The following EFEMP1 variants were observed in gnomAD, a reference collection of about 807,000 sequenced individuals.
EFEMP1 encodes the protein EGF-like fibulin extracellular matrix protein 1.
EFEMP1 carries 18 observed loss-of-function variants against 65.7 expected under a neutral mutation model. The observed-to-expected ratio is 0.27, with a 90% CI of 0.19 to 0.41. EFEMP1 has a LOEUF of 0.41. Ranked by LOEUF, EFEMP1 falls within the 10% of genes least tolerant of loss-of-function variation. EFEMP1 has a pLI of 1.00. For synonymous variants in EFEMP1, 237 were observed against 219.7 expected (o/e 1.08, Z -0.70); for missense variants, 469 against 624.8 (o/e 0.75, Z 2.66).
chr2:55,874,601 G>C (rs1480451106), intron 9 of EFEMP1, among the ~76,000 whole-genome samples: 1 of 152,038 alleles, frequency 6.6e-6, no homozygotes, highest in Non-Finnish European at 1.5e-5. Context: ...CACATATTGA[G>C]CTTATGCTCT....
chr2:55,893,463 A>G (rs1669707436), intron 5 of EFEMP1, among the ~76,000 whole-genome samples: 1 of 152,168 alleles, frequency 6.6e-6, no homozygotes, highest in South Asian at 2.1e-4. Context: ...TTAGAGTCAA[A>G]TAGGTCTCAG....
rs1315922767 is a variant in EFEMP1 at position 55,922,595 on chromosome 2, C to G, written c.-7-148G>C. On this transcript the variant is annotated intron_variant, in intron 2 of 11. Transcript: ENST00000355426. The surrounding 1 kb of genome is among the most constrained non-coding windows in gnomAD (Gnocchi z 5.5). ...CTTCCAATCTGCTTTCTCATCTCCC[C>G]TCCCCCTCCTGAACCTTCTCGGTAG... 5.3e-6 allele frequency: 4 copies of G among 752,642 alleles called. No homozygotes were observed. The highest frequency in any genetic ancestry group is 1.7e-5 in the African/African-American group (1 of 57,994). The allele number at this position is 752,642 out of a possible 1,614,324, so 46.6% of individuals were successfully genotyped here. A position where few individuals can be genotyped will look rare whatever the true frequency, so the allele number is the denominator to read the frequency against.
chr2:55,874,920 A>C, intron 9 of EFEMP1, 26 bp downstream of exon 9: 1 of 1,581,206 alleles, frequency 6.3e-7, no homozygotes, highest in Non-Finnish European at 8.6e-7. Context: ...TAAATACCTA[A>C]CATATGAAAA....
At position 55,892,822 on chromosome 2, in the gene EFEMP1, A is replaced by G. The variant is rs1003142549; in HGVS notation, c.518-11088T>C. On this transcript the variant is annotated intron_variant, in intron 5 of 11. Coordinates refer to ENST00000355426, the MANE Select transcript of EFEMP1 (RefSeq NM_001039348.3). Reference sequence around the variant, plus strand: ...TCAATCTTAAAGAGAATTTCTTGGCATGAATAAACGGATGAAAAAAACCAA... The same window carrying G: ...TCAATCTTAAAGAGAATTTCTTGGCGTGAATAAACGGATGAAAAAAACCAA... Among the ~76,000 whole-genome samples, 7 of 152,120 alleles carry G rather than the reference A, an allele frequency of 4.6e-5. No individual in the cohort carries two copies. The East Asian group carries it at 1.3e-3, about 29-fold the overall frequency.
chr2:55,891,764 A>G (rs1558472247), intron 5 of EFEMP1, among the ~76,000 whole-genome samples: 1 of 152,054 alleles, frequency 6.6e-6, no homozygotes, highest in African/African-American at 2.4e-5. Context: ...TTTTTCAGGA[A>G]GGAAGACTCA....
At chr2:55,880,800 T>C (rs1322411918) in intron 6 of EFEMP1, among the ~76,000 whole-genome samples, 2 of 152,246 alleles carry the variant, frequency 1.3e-5, no homozygotes, top group East Asian at 3.8e-4. Context: ...ATCTGCCAGT[T>C]GGCTTCCTCA....
chr2:55,897,762 T>G (rs1404187549), intron 5 of EFEMP1, among the ~76,000 whole-genome samples: 1 of 152,202 alleles, frequency 6.6e-6, no homozygotes, highest in African/African-American at 2.4e-5. Context: ...AAAAATAACC[T>G]TTAACTGGAA....
intron 5 of EFEMP1, among the ~76,000 whole-genome samples, chr2:55,896,701 A>C (rs886330329): frequency 1.3e-5 from 2 of 152,372 alleles, no homozygotes; most frequent in Non-Finnish European, 2.9e-5. Flanking sequence ...GAACTCAGAA[A>C]TAAATTTTAA....
chr2:55,876,756 TTATATATA>T lies in EFEMP1; in HGVS notation c.761-22_761-15del. On this transcript the variant is annotated splice_polypyrimidine_tract_variant and intron_variant, in intron 7 of 11. Coordinates refer to ENST00000355426, the MANE Select transcript of EFEMP1 (RefSeq NM_001039348.3). ...ATTCATTTATATCTGAAAAAAAGTT[TTATATATA>T]TATATATGTATATGTATATATATAC... 6.8e-7 allele frequency: 1 copy of T among 1,470,574 alleles called. No homozygotes were observed. 91.1% of individuals were successfully genotyped at this position (1,470,574 alleles called of 1,614,324 possible).
chr2:55,922,353 C>T lies in EFEMP1; in HGVS notation c.81+7G>A, dbSNP rs1670933005. 1 of 1,613,110 alleles carries T rather than the reference C, an allele frequency of 6.2e-7. No individual in the cohort carries two copies. The highest frequency in any genetic ancestry group is 1.7e-5 in the Admixed American group (1 of 60,002). ...CCGTACTTATTTCAAATTCCATCAC[C>T]CCTTACCGTGTACGTGATGGTTTCT... is the stretch of plus-strand genomic sequence containing the variant. On this transcript the variant is annotated splice_region_variant and intron_variant, in intron 3 of 11. Transcript: ENST00000355426. This position sits in a 1 kb window ranked among gnomAD's most constrained non-coding sequence, Gnocchi z 5.5.
In EFEMP1 at chr2:55,870,228, G is replaced by A. The variant is rs372652832; in HGVS notation, c.1320+492C>T. 6.6e-6 allele frequency among the ~76,000 whole-genome samples: 1 copy of A among 152,078 alleles called. No homozygotes were observed. The highest frequency in any genetic ancestry group is 1.5e-5 in the Non-Finnish European group (1 of 68,010). ...TGTGAACACAAACTGTCTTGTGAAT[G>A]TAACAATGATGAATTCATGATGTCT... On this transcript the variant is annotated intron_variant, in intron 11 of 11. Transcript: ENST00000355426. This position sits in a 1 kb window ranked among gnomAD's most constrained non-coding sequence, Gnocchi z 5.8.
At chr2:55,888,314 CT>C (rs199606331) in intron 5 of EFEMP1, among the ~76,000 whole-genome samples, 3 of 134,536 alleles carry the variant, frequency 2.2e-5, no homozygotes, top group East Asian at 2.1e-4. Flanking sequence ...CAGCTAAACT[CT>C]TTTTTTTTCC....
chr2:55,913,205 T>A (rs1670547554), intron 5 of EFEMP1, among the ~76,000 whole-genome samples: 1 of 152,210 alleles, frequency 6.6e-6, no homozygotes. Flanking sequence ...TGCTAGGGGC[T>A]CAACCATCCT....
At chr2:55,918,313 T>C in intron 3 of EFEMP1, 46 bp from the exon 4 acceptor site, 1 of 1,605,132 alleles carries the variant, frequency 6.2e-7, no homozygotes, top group Non-Finnish European at 8.5e-7. Context: ...AGTTAATTGG[T>C]GTGTCCATTC....
In EFEMP1 at chr2:55,883,186, G is replaced by C. The variant is rs562407867; in HGVS notation, c.518-1452C>G. ...TATTTATTGGATAATAATCTATAAA[G>C]CATCCACTTACGTAATTCTTTGAAC... On this transcript the variant is annotated intron_variant, in intron 5 of 11. Coordinates refer to ENST00000355426, the MANE Select transcript of EFEMP1 (RefSeq NM_001039348.3). This position sits in a 1 kb window ranked among gnomAD's most constrained non-coding sequence, Gnocchi z 4.5. 6.6e-6 allele frequency among the ~76,000 whole-genome samples: 1 copy of C among 152,234 alleles called. No homozygotes were observed. Among genetic ancestry groups the C allele is most frequent in the African/African-American group, 2.4e-5 (1 of 41,544 alleles).
chr2:55,870,640 C>T lies in EFEMP1; in HGVS notation c.1320+80G>A. 6.5e-7 allele frequency: 1 copy of T among 1,550,090 alleles called. No individual in the cohort carries two copies. The highest frequency in any genetic ancestry group is 1.1e-5 in the South Asian group (1 of 88,986). ...TTTGCTTTCCTTCCACATGTGGATA[C>T]CACACAACAACAACAACAACAACAA... On this transcript the variant is annotated intron_variant, in intron 11 of 11. Coordinates refer to ENST00000355426, the MANE Select transcript of EFEMP1 (RefSeq NM_001039348.3). The surrounding 1 kb of genome is among the most constrained non-coding windows in gnomAD (Gnocchi z 5.8).
intron 5 of EFEMP1, among the ~76,000 whole-genome samples, chr2:55,910,772 GA>G (rs1252089704): frequency 6.6e-6 from 1 of 152,176 alleles, no homozygotes; most frequent in Non-Finnish European, 1.5e-5. Flanking sequence ...ATGCTTATGT[GA>G]ATATTCTTCA....
chr2:55,875,213 T>A, intron 8 of EFEMP1, 148 bp from the exon 9 acceptor site: 1 of 329,812 alleles, frequency 3.0e-6, no homozygotes, highest in Non-Finnish European at 4.5e-6. Context: ...ATTAAAATTA[T>A]TTATATTTTA....
chr2:55,876,167 G>A (rs1669029034), intron 8 of EFEMP1, among the ~76,000 whole-genome samples: 1 of 152,078 alleles, frequency 6.6e-6, no homozygotes, highest in South Asian at 2.1e-4. Flanking sequence ...AATAGAACCA[G>A]AAACCAGATC....
Sources: allele counts gnomAD v4.1 joint callset (sites outside exome capture counted in the v4.1 genomes callset), GRCh38; gene constraint gnomAD v4.1.1; non-coding constraint Gnocchi (gnomAD v3.1); transcripts MANE v1.5; gene names NCBI Gene and HGNC (gene_info 2026-07-23, HGNC 2026-07-21).